The following EXOC4 variants were observed in gnomAD, a reference collection of about 807,000 sequenced individuals.
EXOC4 encodes SEC8-like 1.
In EXOC4, 71 loss-of-function variants were observed where a neutral mutation model predicts 107.2. That is an observed-to-expected ratio of 0.66 (90% confidence interval 0.55 to 0.81). EXOC4 has a LOEUF of 0.81. EXOC4 is among the 30% of genes least tolerant of loss of function. The probability of loss-of-function intolerance (pLI) is 0.00; values close to 1 mark genes in which losing one functional copy is unlikely to be tolerated. For synonymous variants in EXOC4, 456 were observed against 441.2 expected (o/e 1.03, Z -0.42); for missense variants, 1,108 against 1,189.6 (o/e 0.93, Z 1.01).
chr7:133,379,846 A>G (rs1261801218), intron 7 of EXOC4, among the ~76,000 whole-genome samples: 2 of 152,188 alleles, frequency 1.3e-5, no homozygotes, highest in Non-Finnish European at 2.9e-5. Context: ...GCTGAAAACG[A>G]AACCCATTAT....
At chr7:133,430,710 C>T (rs1189664366) in intron 7 of EXOC4, among the ~76,000 whole-genome samples, 1 of 152,090 alleles carries the variant, frequency 6.6e-6, no homozygotes, top group Non-Finnish European at 1.5e-5. Flanking sequence ...ATTAGCTGTA[C>T]CATTTTATAT....
At chr7:133,392,709 C>G (rs1796880603) in intron 7 of EXOC4, among the ~76,000 whole-genome samples, 1 of 152,166 alleles carries the variant, frequency 6.6e-6, no homozygotes, top group Non-Finnish European at 1.5e-5. Flanking sequence ...ACTCCTTATG[C>G]TGTGACAGTG....
chr7:133,816,841 G>T (rs919361149), intron 10 of EXOC4, among the ~76,000 whole-genome samples: 2 of 152,172 alleles, frequency 1.3e-5, no homozygotes, highest in South Asian at 2.1e-4. Flanking sequence ...GAGCTCAGGT[G>T]GTAATGCTCG....
At chr7:133,732,341 A>G (rs894090993) in intron 10 of EXOC4, among the ~76,000 whole-genome samples, 2 of 152,210 alleles carry the variant, frequency 1.3e-5, no homozygotes, top group African/African-American at 4.8e-5. Context: ...GGGGCTTAAT[A>G]CCTAGGTGAT....
At chr7:133,940,683 T>G (rs1054651077) in intron 14 of EXOC4, among the ~76,000 whole-genome samples, 4 of 152,202 alleles carry the variant, frequency 2.6e-5, no homozygotes, top group Non-Finnish European at 5.9e-5. Flanking sequence ...TGTTTATAAT[T>G]TGAACAAAGC....
chr7:133,271,936 A>C (rs754622748), intron 1 of EXOC4, among the ~76,000 whole-genome samples: 2 of 152,140 alleles, frequency 1.3e-5, no homozygotes, highest in African/African-American at 2.4e-5. Context: ...GCCCAGAGTT[A>C]AGTGATCTAG....
At chr7:133,723,450 C>G (rs1267679614) in intron 10 of EXOC4, among the ~76,000 whole-genome samples, 1 of 151,834 alleles carries the variant, frequency 6.6e-6, no homozygotes, top group African/African-American at 2.4e-5. Context: ...GACATTACCT[C>G]TTGTACTTGA....
intron 9 of EXOC4, among the ~76,000 whole-genome samples, chr7:133,530,133 C>G (rs1406819871): frequency 1.3e-5 from 2 of 152,194 alleles, no homozygotes; most frequent in Non-Finnish European, 2.9e-5. Flanking sequence ...CTCTCAATCA[C>G]TACGCTACAC....
chr7:134,098,004 G>T, the EXOC4 span, among the ~76,000 whole-genome samples: 2 of 152,086 alleles, frequency 1.3e-5, no homozygotes, highest in East Asian at 3.9e-4. Context: ...AAGGCAAATG[G>T]GTAGGACCTG....
chr7:133,817,577 C>A, intron 11 of EXOC4, 33 bp downstream of exon 11: 1 of 1,473,988 alleles, frequency 6.8e-7, no homozygotes. Context: ...CTATTTTTAT[C>A]AGCAATTTTC....
intron 6 of EXOC4, among the ~76,000 whole-genome samples, chr7:133,370,790 A>G (rs544559138): frequency 3.2e-4 from 48 of 152,300 alleles, no homozygotes; most frequent in Middle Eastern, 3.4e-3. Flanking sequence ...GACGAAGGAA[A>G]CTTGAACCTT....
chr7:133,643,941 A>C (rs779911842), intron 10 of EXOC4, among the ~76,000 whole-genome samples: 4 of 152,142 alleles, frequency 2.6e-5, no homozygotes, highest in Non-Finnish European at 5.9e-5. Flanking sequence ...CCGTGGTAAA[A>C]GGCCAGAGGT....
At chr7:133,761,847 C>T (rs772801456) in intron 10 of EXOC4, among the ~76,000 whole-genome samples, 5 of 152,190 alleles carry the variant, frequency 3.3e-5, no homozygotes, top group African/African-American at 4.8e-5. Flanking sequence ...TTTACCTGTA[C>T]TGACCAAGTG....
chr7:134,054,523 A>T (rs1355969951), intron 17 of EXOC4, among the ~76,000 whole-genome samples: 9 of 152,108 alleles, frequency 5.9e-5, no homozygotes, highest in Non-Finnish European at 1.2e-4. Context: ...GTTCACTAAC[A>T]TTGGCCCCTT....
At chr7:133,785,387 ATTT>A (rs11296621) in intron 10 of EXOC4, among the ~76,000 whole-genome samples, 1 of 151,946 alleles carries the variant, frequency 6.6e-6, no homozygotes, top group Admixed American at 6.6e-5. Flanking sequence ...TTTTTAATTG[ATTT>A]TTTCTTCCCA....
At chr7:133,758,105 T>C (rs1214023028) in intron 10 of EXOC4, among the ~76,000 whole-genome samples, 4 of 152,182 alleles carry the variant, frequency 2.6e-5, no homozygotes, top group Non-Finnish European at 4.4e-5. Flanking sequence ...CAGAAAGTCA[T>C]GAAGCTAATA....
chr7:133,365,045 G>A (rs2150672960), intron 6 of EXOC4, among the ~76,000 whole-genome samples: 1 of 152,218 alleles, frequency 6.6e-6, no homozygotes, highest in South Asian at 2.1e-4. Context: ...ACCTCACACT[G>A]TGGTCAGTGG....
intron 9 of EXOC4, among the ~76,000 whole-genome samples, chr7:133,608,546 CTTTTT>C (rs1161155238): frequency 3.5e-5 from 3 of 85,022 alleles, no homozygotes; most frequent in East Asian, 3.8e-4. Context: ...TGCTGTATTT[CTTTTT>C]TTTTTTTTTT....
At chr7:133,906,679 G>A (rs1430431984) in intron 12 of EXOC4, among the ~76,000 whole-genome samples, 1 of 152,048 alleles carries the variant, frequency 6.6e-6, no homozygotes, top group Non-Finnish European at 1.5e-5. Flanking sequence ...CTGAGCTTTC[G>A]CTCGCTGTCC....
Sources: allele counts gnomAD v4.1 joint callset (sites outside exome capture counted in the v4.1 genomes callset), GRCh38; gene constraint gnomAD v4.1.1; transcripts MANE v1.5; gene names NCBI Gene and HGNC (gene_info 2026-07-23, HGNC 2026-07-21).